Variants in ADGRL3 observed in about 807,000 individuals in gnomAD.
ADGRL3 encodes the protein calcium-independent alpha-latrotoxin receptor 3.
ADGRL3 carries 62 observed loss-of-function variants against 153.5 expected under a neutral mutation model. The observed-to-expected ratio is 0.40, with a 90% CI of 0.33 to 0.50. The LOEUF (loss-of-function observed/expected upper bound fraction) is 0.50. Ranked by LOEUF, ADGRL3 falls within the 20% of genes least tolerant of loss-of-function variation. The pLI, the probability that ADGRL3 is intolerant of heterozygous loss-of-function variation, is 0.47. For missense variants in ADGRL3, 1,641 were observed against 1,859.4 expected, an observed-to-expected ratio of 0.88 and a Z score of 2.16; for synonymous variants, 710 against 672.5, an observed-to-expected ratio of 1.06 and a Z score of -0.86.
chr4:61,259,423 AAAAT>A (rs58289743), intron 1 of ADGRL3, among the ~76,000 whole-genome samples: 53,813 of 142,464 alleles, frequency 0.38, 10,183 homozygotes, highest in South Asian at 0.55. Flanking sequence ...ACTCTGTCTC[AAAAT>A]AAATAAATAA....
intron 4 of ADGRL3, among the ~76,000 whole-genome samples, chr4:61,566,287 G>A (rs2098815888): frequency 6.6e-6 from 1 of 152,138 alleles, no homozygotes; most frequent in African/African-American, 2.4e-5. Context: ...TCTGTGTCGA[G>A]ATTTCCCCAT....
At chr4:61,226,102 G>A (rs1747841318) in intron 1 of ADGRL3, among the ~76,000 whole-genome samples, 1 of 151,724 alleles carries the variant, frequency 6.6e-6, no homozygotes, top group African/African-American at 2.4e-5. Context: ...GAGTCACTTT[G>A]CCCAACTTAA....
Position 61,973,306 on chromosome 4 carries a change from T to C in ADGRL3, c.2806-6257T>C, listed in dbSNP as rs200607875. On this transcript the variant is annotated intron_variant, in intron 17 of 26. Transcript: ENST00000683033. ...TCATGGTATATTTGAGGGTTTTACA[T>C]GGACAGAGTCACTTTCACAAGTGAC... 2.4e-4 allele frequency among the ~76,000 whole-genome samples: 37 copies of C among 152,236 alleles called. No individual in the cohort carries two copies. In the East Asian group the frequency reaches 7.0e-3, roughly 29 times the overall value.
At chr4:61,597,483 T>G (rs2098993724) in intron 5 of ADGRL3, among the ~76,000 whole-genome samples, 1 of 152,106 alleles carries the variant, frequency 6.6e-6, no homozygotes, top group Non-Finnish European at 1.5e-5. Context: ...TATTACATAT[T>G]AATGTTCTCC....
intron 8 of ADGRL3, among the ~76,000 whole-genome samples, chr4:61,765,273 G>A (rs1256716150): frequency 6.6e-6 from 1 of 152,012 alleles, no homozygotes; most frequent in Non-Finnish European, 1.5e-5. Context: ...CAGGTTTTTT[G>A]GGGCACAGTC....
intron 8 of ADGRL3, among the ~76,000 whole-genome samples, chr4:61,764,173 A>C (rs2152234466): frequency 6.6e-6 from 1 of 152,300 alleles, no homozygotes; most frequent in Non-Finnish European, 1.5e-5. Context: ...ACTATTCAGA[A>C]GTAGGAGAGT....
At chr4:61,392,819 A>G (rs1352134368) in intron 2 of ADGRL3, among the ~76,000 whole-genome samples, 1 of 151,808 alleles carries the variant, frequency 6.6e-6, no homozygotes, top group Non-Finnish European at 1.5e-5. Context: ...AAATACACCA[A>G]ATTATGAAAC....
intron 2 of ADGRL3, among the ~76,000 whole-genome samples, chr4:61,431,594 G>A (rs1157415420): frequency 2.0e-5 from 3 of 152,132 alleles, no homozygotes; most frequent in South Asian, 2.1e-4. Context: ...AACAAACTAA[G>A]TATCAACAAA....
At chr4:61,907,700 G>T (rs1478919129) in intron 11 of ADGRL3, among the ~76,000 whole-genome samples, 3 of 151,722 alleles carry the variant, frequency 2.0e-5, no homozygotes, top group African/African-American at 7.3e-5. Context: ...TGTGCTCCAA[G>T]GGTTTGTGAT....
At chr4:61,918,657 T>C (rs917726441) in intron 13 of ADGRL3, among the ~76,000 whole-genome samples, 1 of 152,158 alleles carries the variant, frequency 6.6e-6, no homozygotes, top group African/African-American at 2.4e-5. Context: ...ACTGAAGTTA[T>C]TGCAGAGAGG....
intron 11 of ADGRL3, among the ~76,000 whole-genome samples, chr4:61,902,760 A>G (rs112092791): frequency 0.015 from 2,226 of 152,268 alleles, 58 homozygotes; most frequent in African/African-American, 0.047. Flanking sequence ...ATTCTTCCTC[A>G]GAGAAGCATT....
chr4:61,612,011 C>G (rs1021600598), intron 5 of ADGRL3, among the ~76,000 whole-genome samples: 2 of 151,988 alleles, frequency 1.3e-5, no homozygotes, highest in Non-Finnish European at 2.9e-5. Context: ...CTTGTTCACT[C>G]AGGGTAAGAA....
intron 4 of ADGRL3, among the ~76,000 whole-genome samples, chr4:61,583,262 C>T (rs934880496): frequency 6.6e-6 from 1 of 152,000 alleles, no homozygotes; most frequent in Non-Finnish European, 1.5e-5. Context: ...GACTCTTGAT[C>T]GGTCACCTAC....
chr4:61,987,737 TTTAC>T (rs2099090770), intron 19 of ADGRL3, among the ~76,000 whole-genome samples: 1 of 152,166 alleles, frequency 6.6e-6, no homozygotes, highest in African/African-American at 2.4e-5. Flanking sequence ...GGAAATCTTT[TTTAC>T]TTGTTTTTGG....
intron 5 of ADGRL3, among the ~76,000 whole-genome samples, chr4:61,674,280 T>G (rs1374191094): frequency 6.6e-6 from 1 of 151,652 alleles, no homozygotes; most frequent in African/African-American, 2.4e-5. Context: ...CACAACTTTC[T>G]GTGCAACATA....
chr4:61,766,066 G>T (rs958982722), intron 8 of ADGRL3, among the ~76,000 whole-genome samples: 2 of 152,102 alleles, frequency 1.3e-5, no homozygotes, highest in Non-Finnish European at 2.9e-5. Flanking sequence ...CGTGATCAGG[G>T]TGAGGAACAG....
At chr4:61,588,089 G>A (rs1361930258) in intron 5 of ADGRL3, among the ~76,000 whole-genome samples, 1 of 151,534 alleles carries the variant, frequency 6.6e-6, no homozygotes, top group Non-Finnish European at 1.5e-5. Flanking sequence ...TATTATATAA[G>A]GTTTAAATTA....
At chr4:61,662,583 C>T (rs2094635691) in intron 5 of ADGRL3, among the ~76,000 whole-genome samples, 1 of 152,154 alleles carries the variant, frequency 6.6e-6, no homozygotes, top group Non-Finnish European at 1.5e-5. Context: ...TGCAGGCACT[C>T]CTTGGCAGGA....
At chr4:61,743,324 CAAAA>C (rs752363213) in intron 8 of ADGRL3, among the ~76,000 whole-genome samples, 6,917 of 50,862 alleles carry the variant, frequency 0.14, 316 homozygotes, top group East Asian at 0.24. Context: ...GACTCCATCT[CAAAA>C]AAAAAAAAAA....
Sources: gnomAD v4.1 joint callset for allele counts (sites outside exome capture counted in the v4.1 genomes callset) on GRCh38, gnomAD v4.1.1 for gene constraint, MANE v1.5 for transcripts, NCBI Gene and HGNC (gene_info 2026-07-23, HGNC 2026-07-21) for gene names.